Variants in MIPOL1 observed in about 807,000 individuals in gnomAD.
The protein encoded by MIPOL1 is mirror-image polydactyly 1.
MIPOL1 carries 57 observed loss-of-function variants against 60.9 expected under a neutral mutation model. That is an observed-to-expected ratio of 0.94 (90% CI 0.76 to 1.17). MIPOL1 has a LOEUF of 1.17. Among genes scored for constraint, MIPOL1 ranks in the 50% most tolerant of loss-of-function variants. The pLI is 0.00. For synonymous variants in MIPOL1, 179 were observed against 168.8 expected, an observed-to-expected ratio of 1.06 and a Z score of -0.47; for missense variants, 551 against 511.6, an observed-to-expected ratio of 1.08 and a Z score of -0.74.
intron 1 of MIPOL1, among the ~76,000 whole-genome samples, chr14:37,218,256 C>T (rs767840823): frequency 1.9e-4 from 29 of 152,146 alleles, no homozygotes; most frequent in Non-Finnish European, 3.7e-4. Flanking sequence ...TCTCAGCTCA[C>T]TTCAGCCTCC....
At chr14:37,490,126 C>CT (rs959077008) in intron 11 of MIPOL1, among the ~76,000 whole-genome samples, 18 of 152,258 alleles carry the variant, frequency 1.2e-4, no homozygotes, top group African/African-American at 3.9e-4. Flanking sequence ...GTGCTGCTGC[C>CT]TTTTTTTCCA....
chr14:37,367,935 A>G (rs1239685344), intron 9 of MIPOL1, among the ~76,000 whole-genome samples: 1 of 152,098 alleles, frequency 6.6e-6, no homozygotes, highest in Non-Finnish European at 1.5e-5. Context: ...GTTACTGGCT[A>G]TAAAAGACAG....
At chr14:37,324,939 A>G (rs2088989651) in intron 9 of MIPOL1, among the ~76,000 whole-genome samples, 1 of 152,236 alleles carries the variant, frequency 6.6e-6, no homozygotes, top group Non-Finnish European at 1.5e-5. Flanking sequence ...CACTGCATTA[A>G]TTACTGTAAA....
In MIPOL1 at chr14:37,436,081, G is replaced by A. The variant is rs548087858; in HGVS notation, c.1031+13132G>A. On this transcript the variant is annotated intron_variant, in intron 11 of 12. Transcript: ENST00000684589. ...ATATCTTCACTTGCATTTTATGTTT[G>A]CCAAATATTTTTAACTGTTTTTGAA... Among the ~76,000 whole-genome samples, 3 of 152,152 alleles carry A rather than the reference G, an allele frequency of 2.0e-5. No homozygotes were observed. The South Asian group carries it at 6.2e-4, about 32-fold the overall frequency.
intron 9 of MIPOL1, among the ~76,000 whole-genome samples, chr14:37,334,539 C>T (rs1460975399): frequency 6.6e-6 from 1 of 151,836 alleles, no homozygotes; most frequent in Non-Finnish European, 1.5e-5. Flanking sequence ...ACCATTCATA[C>T]CCTTAAAGTA....
At chr14:37,276,143 T>TA (rs1194132665) in intron 6 of MIPOL1, among the ~76,000 whole-genome samples, 1 of 151,188 alleles carries the variant, frequency 6.6e-6, no homozygotes, top group Non-Finnish European at 1.5e-5. Context: ...TACTGCATTT[T>TA]AACATGTAAT....
chr14:37,277,967 A>G (rs539361203), intron 6 of MIPOL1: 1 of 151,600 alleles, frequency 6.6e-6, no homozygotes, highest in Admixed American at 6.6e-5. Flanking sequence ...GAATATAGGA[A>G]CATATGCTGC....
chr14:37,405,249 G>T (rs1026920067), intron 10 of MIPOL1, among the ~76,000 whole-genome samples: 32 of 152,166 alleles, frequency 2.1e-4, no homozygotes, highest in African/African-American at 7.5e-4. Flanking sequence ...GGAAACAGGG[G>T]ATTCTTTTTT....
chr14:37,254,757 T>C (rs913445343), intron 3 of MIPOL1, among the ~76,000 whole-genome samples: 6 of 151,830 alleles, frequency 4.0e-5, no homozygotes, highest in Admixed American at 2.6e-4. Context: ...TGCAGAATTC[T>C]TACATCTTTG....
At chr14:37,545,299 C>G (rs1214793390) in intron 12 of MIPOL1, among the ~76,000 whole-genome samples, 1 of 152,104 alleles carries the variant, frequency 6.6e-6, no homozygotes, top group Non-Finnish European at 1.5e-5. Flanking sequence ...ATTTTTCTTT[C>G]CCCTCATTGC....
chr14:37,408,524 G>A (rs1257945220), intron 10 of MIPOL1, among the ~76,000 whole-genome samples: 1 of 152,138 alleles, frequency 6.6e-6, no homozygotes, highest in East Asian at 1.9e-4. Context: ...CGGCTACCCA[G>A]GAGGCTGAGG....
chr14:37,327,352 A>G (rs150097977), intron 9 of MIPOL1, among the ~76,000 whole-genome samples: 1,875 of 152,256 alleles, frequency 0.012, 14 homozygotes, highest in Middle Eastern at 0.031. Context: ...CTGTGGCACA[A>G]TCATGGCCCA....
chr14:37,231,563 A>T (rs978140082), intron 1 of MIPOL1, among the ~76,000 whole-genome samples: 1 of 152,078 alleles, frequency 6.6e-6, no homozygotes, highest in African/African-American at 2.4e-5. Flanking sequence ...TTACCAGTTG[A>T]TTTCTCTACT....
intron 10 of MIPOL1, among the ~76,000 whole-genome samples, chr14:37,375,904 T>C (rs1171152499): frequency 6.6e-6 from 1 of 151,946 alleles, no homozygotes. Flanking sequence ...CATATCTCCA[T>C]TTTTTTTCCT....
intron 7 of MIPOL1, among the ~76,000 whole-genome samples, chr14:37,298,123 A>G (rs572881628): frequency 1.3e-5 from 2 of 152,218 alleles, no homozygotes; most frequent in Non-Finnish European, 2.9e-5. Context: ...ATGGAACAAA[A>G]TAGAGCCCTC....
At chr14:37,293,605 C>T (rs2085309721) in intron 7 of MIPOL1, among the ~76,000 whole-genome samples, 2 of 152,282 alleles carry the variant, frequency 1.3e-5, no homozygotes, top group African/African-American at 4.8e-5. Context: ...GGATCACTCC[C>T]ACCCTAATAC....
intron 11 of MIPOL1, among the ~76,000 whole-genome samples, chr14:37,459,969 C>A (rs2094521253): frequency 6.6e-6 from 1 of 152,060 alleles, no homozygotes; most frequent in African/African-American, 2.4e-5. Context: ...ACCGCAGCTA[C>A]TCAGGAGGCT....
intron 10 of MIPOL1, among the ~76,000 whole-genome samples, chr14:37,380,512 C>T (rs769653386): frequency 7.2e-5 from 11 of 152,018 alleles, no homozygotes; most frequent in Admixed American, 3.3e-4. Context: ...CATCAAGACA[C>T]AATAAAGACT....
Position 37,428,110 on chromosome 14 carries a change from A to G in MIPOL1, c.1031+5161A>G, listed in dbSNP as rs186691575. On this transcript the variant is annotated intron_variant, in intron 11 of 12. Coordinates refer to ENST00000684589, the MANE Select transcript of MIPOL1 (RefSeq NM_001388067.1). ...AATAAGGCTGGGAAAATATAGGATT[A>G]GGACAGGTAGCTAGAGCCTGGAGTG... Among the ~76,000 whole-genome samples, 305 of 152,318 alleles carry G rather than the reference A, an allele frequency of 2.0e-3. 2 individuals are homozygous for G. The highest frequency in any genetic ancestry group is 6.8e-3 in the African/African-American group (284 of 41,570).
Sources: gnomAD v4.1 joint callset for allele counts (sites outside exome capture counted in the v4.1 genomes callset) on GRCh38, gnomAD v4.1.1 for gene constraint, MANE v1.5 for transcripts, NCBI Gene and HGNC (gene_info 2026-07-23, HGNC 2026-07-21) for gene names.